The following PIGU variants were observed in gnomAD, a reference collection of about 807,000 sequenced individuals.
The protein encoded by PIGU is GPI-anchor transamidase component PIGU.
PIGU carries 24 observed loss-of-function variants against 49.9 expected under a neutral mutation model. That is an observed-to-expected ratio of 0.48 (90% CI 0.35 to 0.68). The LOEUF (loss-of-function observed/expected upper bound fraction) is 0.68, where lower values mean the gene tolerates loss of function less well. PIGU is among the 30% of genes least tolerant of loss of function. PIGU has a pLI of 0.01. For missense variants in PIGU, 490 were observed against 532.6 expected, an observed-to-expected ratio of 0.92 and a Z score of 0.79; for synonymous variants, 220 against 205.7, an observed-to-expected ratio of 1.07 and a Z score of -0.59.
chr20:34,639,350 G>A (rs1428267421), intron 4 of PIGU, among the ~76,000 whole-genome samples: 8 of 152,088 alleles, frequency 5.3e-5, no homozygotes, highest in East Asian at 3.9e-4. Flanking sequence ...GCAGTGAGCC[G>A]AGATTATACC....
At chr20:34,652,617 A>G (rs941061916) in intron 2 of PIGU, among the ~76,000 whole-genome samples, 34 of 152,176 alleles carry the variant, frequency 2.2e-4, no homozygotes, top group African/African-American at 7.5e-4. Flanking sequence ...CTCCCTAAGA[A>G]CTACTTAGTG....
At chr20:34,640,452 C>G (rs1037291027) in intron 4 of PIGU, among the ~76,000 whole-genome samples, 18 of 151,494 alleles carry the variant, frequency 1.2e-4, no homozygotes, top group African/African-American at 4.1e-4. Flanking sequence ...AGGAAAGTGG[C>G]TAAAATCAAT....
intron 7 of PIGU, among the ~76,000 whole-genome samples, chr20:34,597,757 G>GA (rs781030313): frequency 2.0e-5 from 3 of 152,140 alleles, no homozygotes; most frequent in Non-Finnish European, 4.4e-5. Flanking sequence ...ATTAATGGAG[G>GA]AATGTAGGTT....
At chr20:34,577,310 C>T (rs1010440531) in intron 10 of PIGU, among the ~76,000 whole-genome samples, 9 of 152,090 alleles carry the variant, frequency 5.9e-5, no homozygotes, top group African/African-American at 2.2e-4. Flanking sequence ...GAGAAACTCC[C>T]AAACATTTAG....
chr20:34,562,550 C>G, intron 11 of PIGU: 2 of 1,289,410 alleles, frequency 1.6e-6, no homozygotes, highest in Non-Finnish European at 2.0e-6. Flanking sequence ...GCCATTCTAT[C>G]ACCACAGAAG....
At chr20:34,561,092 G>A (rs1021537178) in intron 11 of PIGU, 113 bp from the exon 12 acceptor site, 13 of 716,152 alleles carry the variant, frequency 1.8e-5, no homozygotes, top group Non-Finnish European at 3.0e-5. Context: ...CCTGGCTCTG[G>A]ATCACAATCA....
intron 7 of PIGU, among the ~76,000 whole-genome samples, chr20:34,600,260 A>G (rs1261278588): frequency 6.6e-6 from 1 of 152,076 alleles, no homozygotes; most frequent in Admixed American, 6.6e-5. Context: ...TACAAAAATT[A>G]GCTGGACTTG....
chr20:34,655,145 A>T (rs1393252804), intron 2 of PIGU, among the ~76,000 whole-genome samples: 1 of 119,516 alleles, frequency 8.4e-6, no homozygotes, highest in Non-Finnish European at 1.8e-5. Context: ...CATCTCTACA[A>T]AGAAATTTTT....
At position 34,655,004 on chromosome 20, in the gene PIGU, CAA is replaced by C. The variant is rs368336960; in HGVS notation, c.195+2174_195+2175del. Among the ~76,000 whole-genome samples, 5 of 76,516 alleles carry C rather than the reference CAA, an allele frequency of 6.5e-5. 1 individual carries two copies. Among genetic ancestry groups the C allele is most frequent in the Admixed American group, 4.2e-4 (2 of 4,786 alleles). The allele number at this position is 76,516 out of a possible 152,430, so 50.2% of individuals were successfully genotyped here. A position where few individuals can be genotyped will look rare whatever the true frequency, so the allele number is the denominator to read the frequency against. On this transcript the variant is annotated intron_variant, in intron 2 of 11. Coordinates refer to ENST00000217446, the MANE Select transcript of PIGU (RefSeq NM_080476.5). ...TGGGCGACAGAGCGAGACTCTGTCT[CAA>C]AAAAAAAAAAAAAATTAAGGCCAAG...
chr20:34,658,227 G>A (rs1481427257), intron 1 of PIGU, among the ~76,000 whole-genome samples: 6 of 152,252 alleles, frequency 3.9e-5, no homozygotes, highest in East Asian at 3.8e-4. Context: ...GCTCCTAACC[G>A]CGAGTGATCC....
chr20:34,640,531 A>C (rs1986125164), intron 4 of PIGU, among the ~76,000 whole-genome samples: 1 of 122,920 alleles, frequency 8.1e-6, no homozygotes, highest in Non-Finnish European at 1.8e-5. Flanking sequence ...ACACACACAC[A>C]CACACCCCTT....
chr20:34,668,327 T>C (rs2146795914), intron 1 of PIGU, among the ~76,000 whole-genome samples: 1 of 151,876 alleles, frequency 6.6e-6, no homozygotes, highest in South Asian at 2.1e-4. Context: ...GCTGGCATGG[T>C]GGCAGGGACC....
chr20:34,631,758 TA>T (rs1985754702), intron 6 of PIGU, among the ~76,000 whole-genome samples: 1 of 5,428 alleles, frequency 1.8e-4, no homozygotes, highest in Non-Finnish European at 3.7e-4. Context: ...TATATATATA[TA>T]TATATATATA....
chr20:34,582,093 G>C (rs1983500351), intron 9 of PIGU, among the ~76,000 whole-genome samples: 3 of 152,208 alleles, frequency 2.0e-5, no homozygotes, highest in Admixed American at 2.0e-4. Flanking sequence ...CGCAAGGCAG[G>C]AAGTGCCTCC....
intron 10 of PIGU, among the ~76,000 whole-genome samples, chr20:34,580,132 G>A (rs1243227268): frequency 2.6e-5 from 4 of 152,194 alleles, no homozygotes; most frequent in Admixed American, 1.3e-4. Flanking sequence ...GAGAAAGAGT[G>A]CCCAGTGTGG....
At chr20:34,598,003 G>T (rs528871725) in intron 7 of PIGU, among the ~76,000 whole-genome samples, 1 of 152,066 alleles carries the variant, frequency 6.6e-6, no homozygotes, top group Non-Finnish European at 1.5e-5. Context: ...CCAGGAGCTC[G>T]AGACCAGCCT....
At chr20:34,657,486 C>T (rs1986741187) in intron 1 of PIGU, among the ~76,000 whole-genome samples, 1 of 152,154 alleles carries the variant, frequency 6.6e-6, no homozygotes, top group Non-Finnish European at 1.5e-5. Flanking sequence ...TATCTGCTTC[C>T]TTTTAGTTCC....
chr20:34,652,103 G>T (rs963554712), intron 2 of PIGU, among the ~76,000 whole-genome samples: 3 of 152,100 alleles, frequency 2.0e-5, no homozygotes, highest in Admixed American at 6.6e-5. Context: ...AGGATCAAGC[G>T]ATCCTCCTAC....
chr20:34,627,429 A>G (rs1371040172), intron 6 of PIGU, among the ~76,000 whole-genome samples: 2 of 152,190 alleles, frequency 1.3e-5, no homozygotes, highest in East Asian at 3.8e-4. Context: ...TCATTAAACA[A>G]AAGTCTGGAG....
Sources: gnomAD v4.1 joint callset for allele counts (sites outside exome capture counted in the v4.1 genomes callset) on GRCh38, gnomAD v4.1.1 for gene constraint, MANE v1.5 for transcripts, NCBI Gene and HGNC (gene_info 2026-07-23, HGNC 2026-07-21) for gene names.